Variants in TRMT10B observed in about 807,000 individuals in gnomAD.
The protein encoded by TRMT10B is tRNA methyltransferase 10 homolog B.
TRMT10B carries 33 observed loss-of-function variants against 43.8 expected under a neutral mutation model. The ratio of observed to expected loss-of-function variants is 0.75; its 90% CI spans 0.57 to 1.01. The LOEUF (loss-of-function observed/expected upper bound fraction) is 1.01, where lower values mean the gene tolerates loss of function less well. Ranked by LOEUF, TRMT10B falls within the 50% of genes least tolerant of loss-of-function variation. The pLI is 0.00. For synonymous variants in TRMT10B, 137 were observed against 130.6 expected (o/e 1.05, Z -0.34); for missense variants, 362 against 369.8 (o/e 0.98, Z 0.17).
intron 7 of TRMT10B, among the ~76,000 whole-genome samples, chr9:37,774,837 T>TG (rs1331748777): frequency 6.6e-6 from 1 of 152,214 alleles, no homozygotes; most frequent in African/African-American, 2.4e-5. Flanking sequence ...CAGTCAGTTA[T>TG]GGGACCGTAA....
intron 1 of TRMT10B, among the ~76,000 whole-genome samples, chr9:37,756,582 C>G (rs550035594): frequency 1.3e-5 from 2 of 151,682 alleles, no homozygotes; most frequent in Non-Finnish European, 2.9e-5. Context: ...GGTGCGTGCC[C>G]GTAGACCCAG....
At chr9:37,763,406 A>G (rs1376067548) in intron 3 of TRMT10B, among the ~76,000 whole-genome samples, 2 of 152,160 alleles carry the variant, frequency 1.3e-5, no homozygotes, top group African/African-American at 4.8e-5. Context: ...GCCCAAGATA[A>G]TGTAGCCAAT....
intron 1 of TRMT10B, 73 bp from the exon 2 acceptor site, chr9:37,761,830 G>A: frequency 1.9e-6 from 2 of 1,061,792 alleles, no homozygotes; most frequent in South Asian, 1.7e-5. Context: ...ATAACACTTT[G>A]TCATTTGGAT....
chr9:37,772,475 G>GAC (rs777032949), intron 7 of TRMT10B, among the ~76,000 whole-genome samples: 1 of 151,996 alleles, frequency 6.6e-6, no homozygotes, highest in Non-Finnish European at 1.5e-5. Flanking sequence ...TTTTTGTAGA[G>GAC]ACAGGGTCTC....
chr9:37,754,232 C>T (rs1337303168), intron 1 of TRMT10B, among the ~76,000 whole-genome samples: 1 of 152,164 alleles, frequency 6.6e-6, no homozygotes, highest in Non-Finnish European at 1.5e-5. Flanking sequence ...CAACACTTGC[C>T]TACATTGAAG....
At chr9:37,765,078 T>TC (rs1826836783) in intron 4 of TRMT10B, among the ~76,000 whole-genome samples, 2 of 152,140 alleles carry the variant, frequency 1.3e-5, no homozygotes, top group African/African-American at 4.8e-5. Context: ...ATAAAGAGAT[T>TC]ATGCCTTGGA....
At position 37,763,143 on chromosome 9, in the gene TRMT10B, C is replaced by CAAA. The variant is rs747893643; in HGVS notation, c.296-466_296-464dup. On this transcript the variant is annotated intron_variant, in intron 3 of 8. Transcript: ENST00000297994. ...TGGGTGACAGAGTGAGACTCTGTCTCAAAAAAAAAAAAAAAAAAAAAACAA... is the reference window on the plus strand; with the variant it reads ...TGGGTGACAGAGTGAGACTCTGTCTCAAAAAAAAAAAAAAAAAAAAAAAAACAA... Among the ~76,000 whole-genome samples, 98 of 50,004 alleles carry CAAA rather than the reference C, an allele frequency of 2.0e-3. 1 individual carries two copies. The highest frequency in any genetic ancestry group is 5.5e-3 in the East Asian group (7 of 1,262). The allele number at this position is 50,004 out of a possible 152,430, so 32.8% of individuals were successfully genotyped here.
intron 1 of TRMT10B, among the ~76,000 whole-genome samples, chr9:37,756,819 TGTGTGTATGC>T (rs760512363): frequency 1.1e-4 from 11 of 95,784 alleles, no homozygotes; most frequent in Non-Finnish European, 1.9e-4. Context: ...TGTGTGCATA[TGTGTGTATGC>T]GTGTGTATGT....
In TRMT10B at chr9:37,762,136, T is replaced by G; in HGVS notation, c.186+19T>G. On this transcript the variant is annotated intron_variant, in intron 2 of 8. Transcript: ENST00000297994. ...GTGCTCGGTGAGTGCGTGAATTGCC[T>G]GGCCATAGGCCTTGAATGATGGAAT... 1 of 1,604,984 alleles carries G rather than the reference T, an allele frequency of 6.2e-7. No individual in the cohort carries two copies. Among genetic ancestry groups the G allele is most frequent in the South Asian group, 1.1e-5 (1 of 90,222 alleles).
Position 37,770,039 on chromosome 9 carries a change from G to A in TRMT10B, c.652+20G>A. 1 of 1,587,024 alleles carries A rather than the reference G, an allele frequency of 6.3e-7. No individual in the cohort carries two copies. The highest frequency in any genetic ancestry group is 8.7e-7 in the Non-Finnish European group (1 of 1,155,612). On this transcript the variant is annotated intron_variant, in intron 6 of 8. Transcript: ENST00000297994. Reference sequence around the variant, plus strand: ...AACACGGTATGTAGTTGAATGCATGGATTCGTATAGCCCATTGTTCCTGTG... The same window carrying A: ...AACACGGTATGTAGTTGAATGCATGAATTCGTATAGCCCATTGTTCCTGTG...
At chr9:37,771,921 A>G (rs924014492) in intron 7 of TRMT10B, among the ~76,000 whole-genome samples, 1 of 151,684 alleles carries the variant, frequency 6.6e-6, no homozygotes, top group African/African-American at 2.4e-5. Context: ...TGTTGCTGCA[A>G]CCTCGATCTC....
intron 7 of TRMT10B, among the ~76,000 whole-genome samples, chr9:37,775,382 G>A (rs779838063): frequency 7.2e-5 from 11 of 152,176 alleles, no homozygotes; most frequent in Non-Finnish European, 1.6e-4. Context: ...TTACAAGGCA[G>A]CAAATGTAAT....
chr9:37,757,676 C>T (rs1365797636), intron 1 of TRMT10B, among the ~76,000 whole-genome samples: 1 of 152,074 alleles, frequency 6.6e-6, no homozygotes, highest in African/African-American at 2.4e-5. Flanking sequence ...CTTCTAATAG[C>T]AACTGTAAGA....
intron 1 of TRMT10B, among the ~76,000 whole-genome samples, chr9:37,756,791 C>T (rs772183828): frequency 7.3e-5 from 10 of 137,068 alleles, no homozygotes; most frequent in African/African-American, 2.4e-4. Context: ...TGTATACATA[C>T]ATGTGTATGT....
At chr9:37,773,975 CAACAATAAT>C (rs1827865187) in intron 7 of TRMT10B, among the ~76,000 whole-genome samples, 1 of 120,964 alleles carries the variant, frequency 8.3e-6, no homozygotes, top group African/African-American at 3.3e-5. Context: ...AAAAAAAAAA[CAACAATAAT>C]AATAATTAAA....
intron 4 of TRMT10B, among the ~76,000 whole-genome samples, chr9:37,766,558 G>A (rs944573090): frequency 7.9e-5 from 12 of 152,194 alleles, no homozygotes; most frequent in African/African-American, 4.8e-5. Flanking sequence ...ACTTGGCAAT[G>A]CAGGCTCTTC....
At chr9:37,762,394 T>C (rs1180763333) in intron 2 of TRMT10B, 183 bp from the exon 3 acceptor site, 2 of 975,630 alleles carry the variant, frequency 2.0e-6, no homozygotes, top group Admixed American at 3.2e-5. Flanking sequence ...AGGTCATGTC[T>C]CTTTTTCTGG....
chr9:37,770,752 T>C lies in TRMT10B; in HGVS notation c.720+13T>C. 1 of 1,613,482 alleles carries C rather than the reference T, an allele frequency of 6.2e-7. No individual in the cohort carries two copies. Among genetic ancestry groups the C allele is most frequent in the Non-Finnish European group, 8.5e-7 (1 of 1,179,834 alleles). ...AAGCATTCAGAAGGTAAGTATACAT[T>C]TCAGCCCCAACATCTGTTTTAAAAA... On this transcript the variant is annotated intron_variant, in intron 7 of 8. Transcript: ENST00000297994.
rs1347854407 is a variant in TRMT10B at position 37,768,146 on chromosome 9, G to A, written c.491G>A (p.Trp164Ter). The change falls in exon 5 of 9, where the codon TGG becomes TAG. Residue 164 changes from tryptophan (W) to a stop codon, truncating the protein, a stop_gained. Transcript: ENST00000297994. LOFTEE classifies it high-confidence loss of function. ...AACAAAAAAGCTGACAGGCCATTTT[G>A]GATCTGCCTCACTGGATTCACAACA... ...GSNKKADRPF[W>*]ICLTGFTTDS... 6.2e-7 allele frequency: 1 copy of A among 1,614,024 alleles called. No homozygotes were observed. Among genetic ancestry groups the A allele is most frequent in the Non-Finnish European group, 8.5e-7 (1 of 1,180,012 alleles).
Sources: gnomAD v4.1 joint callset for allele counts (sites outside exome capture counted in the v4.1 genomes callset) on GRCh38, gnomAD v4.1.1 for gene constraint, MANE v1.5 for transcripts, NCBI Gene and HGNC (gene_info 2026-07-23, HGNC 2026-07-21) for gene names.